SETDB1: variants seen among roughly 807,000 people sequenced by gnomAD.
SETDB1 encodes the protein SET domain bifurcated histone lysine methyltransferase 1.
SETDB1 carries 31 observed loss-of-function variants against 137.4 expected under a neutral mutation model. That is an observed-to-expected ratio of 0.23 (90% CI 0.17 to 0.30). SETDB1 has a LOEUF of 0.30. Among genes scored for constraint, SETDB1 ranks in the 10% least tolerant of loss-of-function variants. The probability of loss-of-function intolerance (pLI) is 1.00; values close to 1 mark genes in which losing one functional copy is unlikely to be tolerated. For synonymous variants in SETDB1, 548 were observed against 579.9 expected (o/e 0.95, Z 0.79); for missense variants, 1,113 against 1,631.5 (o/e 0.68, Z 5.47).
rs138668033 is a variant in SETDB1, at chr1:150,942,488, A to G, written c.548-75A>G. 1.2e-5 allele frequency: 16 copies of G among 1,319,464 alleles called. No homozygotes were observed. In the African/African-American group the frequency reaches 2.1e-4, roughly 17 times the overall value. The allele number at this position is 1,319,464 out of a possible 1,614,324, so 81.7% of individuals were successfully genotyped here. A position where few individuals can be genotyped will look rare whatever the true frequency, so the allele number is the denominator to read the frequency against. The stretch of plus-strand genomic sequence containing the variant: ...TTACCCCACTTTCCCTAATTACCAT[A>G]CTACCCTCTTTACCTTCCCGTTCTC... On this transcript the variant is annotated intron_variant, in intron 5 of 21. Coordinates refer to ENST00000692827, the MANE Select transcript of SETDB1 (RefSeq NM_001366418.1).
chr1:150,944,666 C>G (rs1670268919), intron 8 of SETDB1, among the ~76,000 whole-genome samples: 1 of 152,138 alleles, frequency 6.6e-6, no homozygotes, highest in Admixed American at 6.6e-5. Flanking sequence ...GGAGAAACAT[C>G]CATTTGTGTA....
rs142613212 is a variant in SETDB1 at position 150,947,945 on chromosome 1, T to C, written c.1267+933T>C. Among the ~76,000 whole-genome samples the C allele has an allele frequency of 7.8e-4, 119 of 152,162 alleles. No individual in the cohort carries two copies. The Middle Eastern group carries it at 0.01, about 13-fold the overall frequency. On this transcript the variant is annotated intron_variant, in intron 10 of 21. Coordinates refer to ENST00000692827, the MANE Select transcript of SETDB1 (RefSeq NM_001366418.1). ...TGAGATAGGAAGATATAAAGTCTTA[T>C]CTAAGGCCCAGCATGGTGGCTCGTG...
intron 13 of SETDB1, 100 bp downstream of exon 13, chr1:150,951,190 T>G (rs1197284075): frequency 7.6e-7 from 1 of 1,318,408 alleles, no homozygotes; most frequent in Non-Finnish European, 1.1e-6. Context: ...TTCCCCATCT[T>G]CCTTTACCTC....
intron 5 of SETDB1, 126 bp from the exon 6 acceptor site, chr1:150,942,437 A>G: frequency 1.2e-5 from 8 of 666,678 alleles, no homozygotes; most frequent in Non-Finnish European, 2.0e-5. Context: ...ACAGAGTGAG[A>G]CTCCATCTCA....
chr1:150,946,873 C>T lies in SETDB1; in HGVS notation c.1141-13C>T. The T allele has an allele frequency of 6.2e-7, 1 of 1,613,886 alleles. No individual in the cohort carries two copies. Among genetic ancestry groups the T allele is most frequent in the Non-Finnish European group, 8.5e-7 (1 of 1,179,846 alleles). On this transcript the variant is annotated splice_polypyrimidine_tract_variant and intron_variant, in intron 9 of 21. Transcript: ENST00000692827. ...AAGCTATTTCCCTTCATTCTTTTCT[C>T]TCAATTCCCCAGGATGACAAAAGAT...
intron 3 of SETDB1, among the ~76,000 whole-genome samples, chr1:150,933,524 G>A (rs1328830802): frequency 1.3e-5 from 2 of 151,572 alleles, no homozygotes; most frequent in East Asian, 2.0e-4. Context: ...CCACAGGCAC[G>A]CGCCATCACA....
chr1:150,949,854 C>G (rs1219984426), intron 12 of SETDB1, among the ~76,000 whole-genome samples: 2 of 152,066 alleles, frequency 1.3e-5, no homozygotes, highest in Non-Finnish European at 2.9e-5. Flanking sequence ...GAACACGCAG[C>G]AGACCAAAAA....
intron 9 of SETDB1, among the ~76,000 whole-genome samples, chr1:150,945,786 C>T (rs373472891): frequency 2.6e-5 from 4 of 152,010 alleles, no homozygotes; most frequent in Middle Eastern, 3.2e-3. Flanking sequence ...TGCAATGGCA[C>T]GATCTCGGCT....
At chr1:150,949,630 A>T (rs1421149401) in intron 12 of SETDB1, 105 bp downstream of exon 12, 6 of 992,402 alleles carry the variant, frequency 6.0e-6, no homozygotes, top group Non-Finnish European at 4.5e-6. Context: ...AGCTTATGAT[A>T]GTGAGGAGTT....
At chr1:150,942,501 C>G in intron 5 of SETDB1, 62 bp from the exon 6 acceptor site, 1 of 1,464,228 alleles carries the variant, frequency 6.8e-7, no homozygotes, top group Non-Finnish European at 9.3e-7. Flanking sequence ...ACCCTCTTTA[C>G]CTTCCCGTTC....
At chr1:150,960,535 GA>G (rs1670788453) in intron 15 of SETDB1, 27 bp from the exon 16 acceptor site, 2 of 1,529,492 alleles carry the variant, frequency 1.3e-6, no homozygotes, top group Admixed American at 3.8e-5. Context: ...CATAACCCTA[GA>G]AGGCCTTTAA....
At chr1:150,956,380 C>T (rs1394588143) in intron 14 of SETDB1, among the ~76,000 whole-genome samples, 3 of 133,238 alleles carry the variant, frequency 2.3e-5, no homozygotes, top group African/African-American at 5.4e-5. Flanking sequence ...AGTGAGACTC[C>T]GCCTCAAAAA....
At chr1:150,941,457 A>G (rs1394331920) in intron 5 of SETDB1, 29 bp downstream of exon 5, 1 of 1,319,252 alleles carries the variant, frequency 7.6e-7, no homozygotes, top group African/African-American at 1.4e-5. Context: ...CTGGGTACAG[A>G]TGGGAGGTGA....
Position 150,963,611 on chromosome 1 carries a change from C to A in SETDB1, c.3542C>A (p.Thr1181Asn). 6.2e-7 allele frequency: 1 copy of A among 1,614,180 alleles called. No individual in the cohort carries two copies. Among genetic ancestry groups the A allele is most frequent in the Non-Finnish European group, 8.5e-7 (1 of 1,180,030 alleles). The change falls in exon 20 of 22, where the codon ACC becomes AAC. Residue 1181 changes from threonine to asparagine, a missense_variant. Transcript: ENST00000692827. ...KSTHGIAIKSTNMASVDKGES... is the reference protein window; with the variant it reads ...KSTHGIAIKSNNMASVDKGES... ...ACCCATGGGATTGCAATTAAATCAA[C>A]CAACATGGCCTCTGTGGACAAGGGG...
At chr1:150,953,551 A>C (rs1316842245) in intron 14 of SETDB1, among the ~76,000 whole-genome samples, 2 of 149,958 alleles carry the variant, frequency 1.3e-5, no homozygotes, top group African/African-American at 2.5e-5. Context: ...ATTGTTGGCC[A>C]TGCGCGGTGG....
chr1:150,933,604 T>C (rs1458800196), intron 3 of SETDB1, among the ~76,000 whole-genome samples: 1 of 132,020 alleles, frequency 7.6e-6, no homozygotes, highest in Non-Finnish European at 1.7e-5. Flanking sequence ...CTTAAACTTC[T>C]GACCTTAGGT....
At chr1:150,926,861 C>T (rs751477957) in intron 1 of SETDB1, 2 of 532,598 alleles carry the variant, frequency 3.8e-6, no homozygotes, top group Admixed American at 2.0e-5. Context: ...TTGGGGGAAA[C>T]CTTTTTGCTG....
intron 14 of SETDB1, among the ~76,000 whole-genome samples, chr1:150,958,338 G>A (rs587593570): frequency 4.1e-4 from 55 of 135,644 alleles, no homozygotes; most frequent in African/African-American, 1.4e-3. Context: ...TGCAACCTCC[G>A]CCTCCTGGGT....
chr1:150,931,656 C>CAAA (rs10607028), intron 3 of SETDB1, among the ~76,000 whole-genome samples: 1 of 108,428 alleles, frequency 9.2e-6, no homozygotes, highest in Non-Finnish European at 1.8e-5. Context: ...AAAGATAAAC[C>CAAA]AAAAAAAAAA....
Sources: gnomAD v4.1 joint callset for allele counts (sites outside exome capture counted in the v4.1 genomes callset) on GRCh38, gnomAD v4.1.1 for gene constraint, MANE v1.5 for transcripts, NCBI Gene and HGNC (gene_info 2026-07-23, HGNC 2026-07-21) for gene names.